The following MLLT10 variants were observed in gnomAD, a reference collection of about 807,000 sequenced individuals.
MLLT10 encodes the protein MLLT10 histone lysine methyltransferase DOT1L cofactor.
MLLT10 carries 30 observed loss-of-function variants against 129.1 expected under a neutral mutation model. That is an observed-to-expected ratio of 0.23 (90% confidence interval 0.17 to 0.32). The LOEUF (loss-of-function observed/expected upper bound fraction) is 0.32. Among genes scored for constraint, MLLT10 ranks in the 10% least tolerant of loss-of-function variants. MLLT10 has a pLI of 1.00. For synonymous variants in MLLT10, 490 were observed against 446.4 expected, an observed-to-expected ratio of 1.10 and a Z score of -1.23; for missense variants, 1,119 against 1,268.3, an observed-to-expected ratio of 0.88 and a Z score of 1.79.
chr10:21,634,208 G>A (rs956795497), intron 8 of MLLT10, among the ~76,000 whole-genome samples: 2 of 152,118 alleles, frequency 1.3e-5, no homozygotes, highest in Admixed American at 6.5e-5. Flanking sequence ...CCCAGCCTGG[G>A]TGACACAGCG....
At chr10:21,622,389 A>G (rs1463528065) in intron 8 of MLLT10, among the ~76,000 whole-genome samples, 1 of 150,850 alleles carries the variant, frequency 6.6e-6, no homozygotes, top group African/African-American at 2.4e-5. Context: ...GCTGGTCTCT[A>G]ACACCTGCGT....
At chr10:21,570,212 T>TTG (rs528760884) in intron 3 of MLLT10, among the ~76,000 whole-genome samples, 12,146 of 147,864 alleles carry the variant, frequency 0.082, 820 homozygotes, top group African/African-American at 0.18. Context: ...CCAGGCCAAT[T>TTG]TGTGTGTGTG....
chr10:21,630,601 G>T (rs1407166528), intron 8 of MLLT10, among the ~76,000 whole-genome samples: 1 of 152,210 alleles, frequency 6.6e-6, no homozygotes, highest in Non-Finnish European at 1.5e-5. Flanking sequence ...AGTCCACTGT[G>T]TGTATAAATG....
chr10:21,610,798 A>G (rs1247491109), intron 5 of MLLT10, among the ~76,000 whole-genome samples: 1 of 151,448 alleles, frequency 6.6e-6, no homozygotes. Flanking sequence ...CTATTTTTAA[A>G]TTTTTTTGAT....
At chr10:21,539,310 T>C (rs1217727505) in intron 3 of MLLT10, among the ~76,000 whole-genome samples, 1 of 152,170 alleles carries the variant, frequency 6.6e-6, no homozygotes, top group Admixed American at 6.5e-5. Flanking sequence ...ATAATTTTAG[T>C]GACTATCATA....
chr10:21,572,641 G>GAC (rs2040332682), intron 3 of MLLT10, among the ~76,000 whole-genome samples: 1 of 149,878 alleles, frequency 6.7e-6, no homozygotes, highest in South Asian at 2.2e-4. Flanking sequence ...GTTTTTTTGA[G>GAC]ACAGAGTCTT....
chr10:21,566,336 C>CT lies in MLLT10; in HGVS notation c.241-19946dup, dbSNP rs879190625. Among the ~76,000 whole-genome samples, 521 of 142,528 alleles carry CT rather than the reference C, an allele frequency of 3.7e-3. 1 individual carries two copies. The highest frequency in any genetic ancestry group is 0.011 in the Middle Eastern group (3 of 272). The allele number at this position is 142,528 out of a possible 152,430, so 93.5% of individuals were successfully genotyped here. On this transcript the variant is annotated intron_variant, in intron 3 of 22. Transcript: ENST00000307729. Reference sequence around the variant, plus strand: ...ATGTTGTCAGACTCCCCCCCACCCCCTTTTTTTTTTTTGAGACAAAGTCTT... The same window carrying CT: ...ATGTTGTCAGACTCCCCCCCACCCCCTTTTTTTTTTTTTGAGACAAAGTCTT...
chr10:21,627,883 C>T (rs1353623236), intron 8 of MLLT10, among the ~76,000 whole-genome samples: 1 of 152,164 alleles, frequency 6.6e-6, no homozygotes, highest in Non-Finnish European at 1.5e-5. Flanking sequence ...CCACCGAATA[C>T]CTAGAAATCT....
intron 3 of MLLT10, among the ~76,000 whole-genome samples, chr10:21,551,242 TA>T (rs1431045747): frequency 1.3e-5 from 2 of 149,054 alleles, no homozygotes; most frequent in African/African-American, 4.9e-5. Flanking sequence ...CTTTGATTTC[TA>T]AGTGCAAGAA....
intron 10 of MLLT10, 32 bp from the exon 11 acceptor site, chr10:21,673,318 C>CAGTTTT: frequency 1.3e-5 from 4 of 307,338 alleles, no homozygotes; most frequent in East Asian, 1.4e-4. Context: ...CACCCCCCAA[C>CAGTTTT]TTTTTTTTTT....
At chr10:21,534,888 C>T (rs979841540) in intron 2 of MLLT10, 84 bp downstream of exon 2, 6 of 998,052 alleles carry the variant, frequency 6.0e-6, no homozygotes, top group African/African-American at 5.2e-5. Context: ...ACCGCCGGCG[C>T]CCCCGCCCCG....
chr10:21,575,728 A>C (rs1259612516), intron 3 of MLLT10, among the ~76,000 whole-genome samples: 1 of 152,174 alleles, frequency 6.6e-6, no homozygotes, highest in Non-Finnish European at 1.5e-5. Flanking sequence ...GAGGAGTGTT[A>C]AAATATCTTA....
chr10:21,638,169 G>A, intron 8 of MLLT10, among the ~76,000 whole-genome samples: 1 of 148,540 alleles, frequency 6.7e-6, no homozygotes, highest in East Asian at 2.0e-4. Flanking sequence ...TACAGGGGAT[G>A]GCAAACTTTT....
intron 13 of MLLT10, among the ~76,000 whole-genome samples, chr10:21,694,292 T>A (rs1398746606): frequency 1.3e-5 from 2 of 152,206 alleles, no homozygotes; most frequent in African/African-American, 4.8e-5. Context: ...GTTGTCAATG[T>A]TTTTGGAGAT....
At chr10:21,731,161 A>T in intron 17 of MLLT10, 107 bp downstream of exon 17, 1 of 1,039,860 alleles carries the variant, frequency 9.6e-7, no homozygotes, top group Non-Finnish European at 1.4e-6. Flanking sequence ...TGGGATTATG[A>T]TATACATTTT....
chr10:21,643,629 T>C (rs2048222829), intron 8 of MLLT10, among the ~76,000 whole-genome samples: 1 of 152,230 alleles, frequency 6.6e-6, no homozygotes, highest in African/African-American at 2.4e-5. Flanking sequence ...GTATATAATA[T>C]TGTTGGGTCA....
At chr10:21,535,306 C>A (rs546206922) in intron 2 of MLLT10, among the ~76,000 whole-genome samples, 3 of 152,078 alleles carry the variant, frequency 2.0e-5, no homozygotes, top group African/African-American at 7.2e-5. Flanking sequence ...TGTGGGGAGG[C>A]TGGGGGTCGC....
intron 13 of MLLT10, chr10:21,708,621 A>AT: frequency 1.0e-6 from 1 of 985,124 alleles, no homozygotes; most frequent in Non-Finnish European, 1.2e-6. Context: ...TCAAAGTGTG[A>AT]TTACTGGATT....
At chr10:21,590,904 G>A (rs967380830) in intron 4 of MLLT10, among the ~76,000 whole-genome samples, 7 of 151,948 alleles carry the variant, frequency 4.6e-5, no homozygotes, top group African/African-American at 1.7e-4. Context: ...CTTACTATGT[G>A]TTACATTTTC....
Sources: allele counts gnomAD v4.1 joint callset (sites outside exome capture counted in the v4.1 genomes callset), GRCh38; gene constraint gnomAD v4.1.1; transcripts MANE v1.5; gene names NCBI Gene and HGNC (gene_info 2026-07-23, HGNC 2026-07-21).